The following CACNA2D3 variants were observed in gnomAD, a reference collection of about 807,000 sequenced individuals.
CACNA2D3 encodes the protein calcium voltage-gated channel auxiliary subunit alpha2delta 3, also known as voltage-dependent calcium channel subunit alpha-2/delta-3.
CACNA2D3 carries 60 observed loss-of-function variants against 160.6 expected under a neutral mutation model. The ratio of observed to expected loss-of-function variants is 0.37; its 90% confidence interval spans 0.30 to 0.46. CACNA2D3 has a LOEUF of 0.46. Ranked by LOEUF, CACNA2D3 falls within the 20% of genes least tolerant of loss-of-function variation. The probability of loss-of-function intolerance (pLI) is 1.00; values close to 1 mark genes in which losing one functional copy is unlikely to be tolerated. For missense variants in CACNA2D3, 1,205 were observed against 1,365.0 expected (o/e 0.88, Z 1.85); for synonymous variants, 558 against 492.9 (o/e 1.13, Z -1.75).
chr3:54,517,428 C>T (rs1257966124), intron 5 of CACNA2D3, among the ~76,000 whole-genome samples: 1 of 152,146 alleles, frequency 6.6e-6, no homozygotes, highest in Non-Finnish European at 1.5e-5. Flanking sequence ...GATAGTGAAA[C>T]GATGTGTGTG....
At chr3:54,952,709 C>T (rs1021436803) in intron 27 of CACNA2D3, among the ~76,000 whole-genome samples, 2 of 152,178 alleles carry the variant, frequency 1.3e-5, no homozygotes, top group African/African-American at 4.8e-5. Flanking sequence ...GCATAGTTCC[C>T]TCCAGCTTCC....
At chr3:54,981,496 G>T (rs180678668) in intron 29 of CACNA2D3, among the ~76,000 whole-genome samples, 12 of 152,218 alleles carry the variant, frequency 7.9e-5, no homozygotes, top group African/African-American at 2.6e-4. Flanking sequence ...CATTGGGAGC[G>T]AGGGGGAGAG....
chr3:54,503,480 T>A lies in CACNA2D3; in HGVS notation c.382-12T>A, dbSNP rs374568792. 6.2e-7 allele frequency: 1 copy of A among 1,613,442 alleles called. No homozygotes were observed. On this transcript the variant is annotated splice_polypyrimidine_tract_variant and intron_variant, in intron 4 of 37. Coordinates refer to ENST00000474759, the MANE Select transcript of CACNA2D3 (RefSeq NM_018398.3). ...TAAGCCACATGTAATGTTTTTTGAC[T>A]TTGTCTTTCAGTATGAATACTTCAA...
At chr3:54,251,539 A>G (rs1702190158) in intron 2 of CACNA2D3, among the ~76,000 whole-genome samples, 1 of 152,222 alleles carries the variant, frequency 6.6e-6, no homozygotes. Flanking sequence ...AGACGGTGGC[A>G]TTGTAGTGAG....
chr3:54,498,543 T>C (rs1701239676), intron 4 of CACNA2D3, among the ~76,000 whole-genome samples: 1 of 151,992 alleles, frequency 6.6e-6, no homozygotes, highest in African/African-American at 2.4e-5. Flanking sequence ...GTATTATTGA[T>C]TTTTTCCTGT....
chr3:55,061,461 GGA>G (rs1159168859), intron 35 of CACNA2D3, among the ~76,000 whole-genome samples: 2 of 152,132 alleles, frequency 1.3e-5, no homozygotes, highest in Admixed American at 1.3e-4. Context: ...GTGATGATAC[GGA>G]ATTTAAGAGC....
intron 5 of CACNA2D3, among the ~76,000 whole-genome samples, chr3:54,525,414 A>T (rs545909209): frequency 3.9e-5 from 6 of 152,056 alleles, no homozygotes; most frequent in Non-Finnish European, 5.9e-5. Context: ...CTTTTTGGTG[A>T]TCTTGATTTT....
chr3:54,124,903 C>T (rs753986392), intron 2 of CACNA2D3, among the ~76,000 whole-genome samples: 2 of 152,132 alleles, frequency 1.3e-5, no homozygotes, highest in Non-Finnish European at 2.9e-5. Flanking sequence ...TGTGGCCCAC[C>T]TCGGCACTTA....
At chr3:54,305,495 A>G (rs559117544) in intron 2 of CACNA2D3, among the ~76,000 whole-genome samples, 13 of 152,244 alleles carry the variant, frequency 8.5e-5, no homozygotes, top group African/African-American at 1.2e-4. Context: ...GAAATGTCCA[A>G]AATTTTATGT....
At chr3:54,215,235 G>A (rs964775895) in intron 2 of CACNA2D3, among the ~76,000 whole-genome samples, 1 of 152,110 alleles carries the variant, frequency 6.6e-6, no homozygotes, top group African/African-American at 2.4e-5. Context: ...TATATTTATG[G>A]TACACAATGT....
intron 2 of CACNA2D3, among the ~76,000 whole-genome samples, chr3:54,288,067 A>G (rs1467884350): frequency 6.6e-6 from 1 of 152,120 alleles, no homozygotes; most frequent in African/African-American, 2.4e-5. Flanking sequence ...AGAAATAACT[A>G]AAATCAGAGC....
intron 2 of CACNA2D3, among the ~76,000 whole-genome samples, chr3:54,146,969 A>G (rs12493623): frequency 0.19 from 29,074 of 152,280 alleles, 2,949 homozygotes; most frequent in Middle Eastern, 0.29. Context: ...TCTTACCTGC[A>G]TGAAAGTTTC....
At chr3:54,361,923 C>T (rs1470142932) in intron 3 of CACNA2D3, among the ~76,000 whole-genome samples, 1 of 152,192 alleles carries the variant, frequency 6.6e-6, no homozygotes, top group Non-Finnish European at 1.5e-5. Flanking sequence ...CATGCATACA[C>T]TTTACTCAGC....
At chr3:54,123,169 G>C (rs1219836558) in intron 1 of CACNA2D3, among the ~76,000 whole-genome samples, 2 of 150,112 alleles carry the variant, frequency 1.3e-5, no homozygotes, top group African/African-American at 2.5e-5. Flanking sequence ...TTGGGGGGGG[G>C]ATGGGTGGAT....
At chr3:54,899,197 A>C (rs1700270278) in intron 26 of CACNA2D3, among the ~76,000 whole-genome samples, 1 of 152,230 alleles carries the variant, frequency 6.6e-6, no homozygotes, top group South Asian at 2.1e-4. Context: ...CATTGCTGGT[A>C]ATTGAAAATC....
intron 2 of CACNA2D3, among the ~76,000 whole-genome samples, chr3:54,285,039 G>T (rs1035821602): frequency 7.2e-5 from 11 of 152,320 alleles, no homozygotes; most frequent in African/African-American, 2.4e-4. Context: ...ATTTCCATCT[G>T]AGGTACCGGG....
At chr3:54,122,920 G>A (rs1699504045) in intron 1 of CACNA2D3, 85 bp downstream of exon 1, 3 of 1,146,378 alleles carry the variant, frequency 2.6e-6, no homozygotes, top group Non-Finnish European at 3.2e-6. Flanking sequence ...CTGCAGGTGC[G>A]GCTGGGCAGG....
intron 9 of CACNA2D3, among the ~76,000 whole-genome samples, chr3:54,582,339 A>G (rs569949715): frequency 7.9e-5 from 12 of 152,302 alleles, no homozygotes; most frequent in Non-Finnish European, 7.4e-5. Context: ...TGTATCCTCA[A>G]TGTGCCAAGC....
intron 2 of CACNA2D3, among the ~76,000 whole-genome samples, chr3:54,201,538 A>C (rs773214109): frequency 6.6e-6 from 1 of 152,266 alleles, no homozygotes; most frequent in African/African-American, 2.4e-5. Flanking sequence ...AATCACTTAT[A>C]GGGAATTGTA....
Sources: gnomAD v4.1 joint callset for allele counts (sites outside exome capture counted in the v4.1 genomes callset) on GRCh38, gnomAD v4.1.1 for gene constraint, MANE v1.5 for transcripts, NCBI Gene and HGNC (gene_info 2026-07-23, HGNC 2026-07-21) for gene names.